CC2D2B: variants seen among roughly 807,000 people sequenced by gnomAD.
CC2D2B encodes the protein protein CC2D2B.
In CC2D2B, 128 loss-of-function variants were observed where a neutral mutation model predicts 161.2. That is an observed-to-expected ratio of 0.79 (90% CI 0.69 to 0.92). The LOEUF is 0.92. Ranked by LOEUF, CC2D2B falls within the 40% of genes least tolerant of loss-of-function variation. The pLI is 0.00. For missense variants in CC2D2B, 1,173 were observed against 1,375.1 expected, an observed-to-expected ratio of 0.85 and a Z score of 2.32; for synonymous variants, 391 against 449.8, an observed-to-expected ratio of 0.87 and a Z score of 1.65.
intron 32 of CC2D2B, chr10:96,020,200 C>T (rs1461217850): frequency 6.1e-6 from 1 of 164,150 alleles, no homozygotes; most frequent in Non-Finnish European, 1.3e-5. Flanking sequence ...TCTGGACTCC[C>T]AACCATGATA....
chr10:96,031,707 A>G, intron 34 of CC2D2B, 113 bp from the exon 35 acceptor site: 1 of 928,856 alleles, frequency 1.1e-6, no homozygotes, highest in Non-Finnish European at 1.7e-6. Flanking sequence ...GACAACTATT[A>G]TAGTATTTTA....
At chr10:96,000,788 T>G (rs1028125789) in intron 24 of CC2D2B, 1 of 152,220 alleles carries the variant, frequency 6.6e-6, no homozygotes, top group African/African-American at 2.4e-5. Flanking sequence ...TGCATTTTGA[T>G]GAAAAGAAGT....
At chr10:95,935,858 T>G (rs1304728021) in intron 6 of CC2D2B, among the ~76,000 whole-genome samples, 1 of 152,234 alleles carries the variant, frequency 6.6e-6, no homozygotes, top group Non-Finnish European at 1.5e-5. Flanking sequence ...CTTACCCTGC[T>G]TTATTTTTCT....
rs887655533 is a variant in CC2D2B at position 96,033,368 on chromosome 10, G to A, written c.*1360G>A. On this transcript the variant is annotated 3_prime_UTR_variant, in exon 35 of 35. Transcript: ENST00000646931. ...GGTGAAGGAATGTTTTTTTCTCCCA[G>A]GTTAAAACCTAACTGTATGTGTCTT... Among the ~76,000 whole-genome samples, 1 of 152,130 alleles carries A rather than the reference G, an allele frequency of 6.6e-6. No individual in the cohort carries two copies. Among genetic ancestry groups the A allele is most frequent in the Non-Finnish European group, 1.5e-5 (1 of 68,022 alleles).
At chr10:95,996,277 A>G in intron 24 of CC2D2B, 25 bp downstream of exon 24, 1 of 1,030,722 alleles carries the variant, frequency 9.7e-7, no homozygotes, top group East Asian at 2.7e-5. Context: ...ATTTTTCCAT[A>G]GCTCCTAAAA....
intron 26 of CC2D2B, among the ~76,000 whole-genome samples, chr10:96,010,788 T>C (rs754360658): frequency 6.6e-6 from 1 of 152,126 alleles, no homozygotes; most frequent in East Asian, 1.9e-4. Flanking sequence ...GCTTGACAAA[T>C]TGGTCAAGCA....
intron 34 of CC2D2B, 61 bp downstream of exon 34, chr10:96,027,450 T>C (rs2079832219): frequency 1.4e-5 from 17 of 1,196,144 alleles, no homozygotes; most frequent in Non-Finnish European, 1.9e-5. Flanking sequence ...AATTGCTAAA[T>C]AATAGCAGTC....
chr10:96,027,555 T>C (rs1034948368), intron 34 of CC2D2B, among the ~76,000 whole-genome samples, 166 bp downstream of exon 34: 1 of 152,192 alleles, frequency 6.6e-6, no homozygotes, highest in African/African-American at 2.4e-5. Flanking sequence ...TGTTAAAATG[T>C]CCATACTACC....
intron 14 of CC2D2B, among the ~76,000 whole-genome samples, chr10:95,966,951 A>T (rs537090580): frequency 1.3e-5 from 2 of 152,188 alleles, no homozygotes; most frequent in South Asian, 4.1e-4. Flanking sequence ...CTTAAAGAGG[A>T]TATGGCAACT....
At chr10:95,968,079 A>G (rs1360309927) in intron 14 of CC2D2B, among the ~76,000 whole-genome samples, 1 of 152,224 alleles carries the variant, frequency 6.6e-6, no homozygotes, top group Non-Finnish European at 1.5e-5. Context: ...CAAGGGATCA[A>G]CTTATGCCTC....
chr10:96,016,062 G>A (rs2079185795), intron 29 of CC2D2B, 139 bp from the exon 30 acceptor site: 1 of 638,490 alleles, frequency 1.6e-6, no homozygotes. Flanking sequence ...CTGCTCTGCT[G>A]TCAACTTAGC....
At chr10:95,943,582 G>A (rs1442379171) in intron 9 of CC2D2B, among the ~76,000 whole-genome samples, 3 of 151,854 alleles carry the variant, frequency 2.0e-5, no homozygotes, top group East Asian at 1.9e-4. Flanking sequence ...GTGTTCATTC[G>A]ACATTTAATT....
rs1564608778 is a variant in CC2D2B, at chr10:95,947,095, A to ATC, written c.802-2800_802-2799insCT. Among the ~76,000 whole-genome samples, 189 of 32,502 alleles carry ATC rather than the reference A, an allele frequency of 5.8e-3. 14 individuals are homozygous for ATC. The highest frequency in any genetic ancestry group is 0.033 in the African/African-American group (173 of 5,202). The allele number at this position is 32,502 out of a possible 152,430, so 21.3% of individuals were successfully genotyped here. On this transcript the variant is annotated intron_variant, in intron 9 of 34. Transcript: ENST00000646931. ...AGTGGACTCAAAAATATATATATAT[A>ATC]TATATATATATATATATATTTTTTT...
chr10:95,983,995 C>T (rs973593694), intron 19 of CC2D2B, among the ~76,000 whole-genome samples, 186 bp downstream of exon 19: 1 of 151,994 alleles, frequency 6.6e-6, no homozygotes, highest in Non-Finnish European at 1.5e-5. Context: ...CTTGACTTTA[C>T]GATTTAGTGT....
At chr10:95,964,471 C>T (rs1021609848) in intron 12 of CC2D2B, among the ~76,000 whole-genome samples, 1 of 152,114 alleles carries the variant, frequency 6.6e-6, no homozygotes, top group Non-Finnish European at 1.5e-5. Context: ...TATTAAAGAA[C>T]AGCAAGTTTA....
At chr10:96,025,172 T>TAAAAA (rs1564683838) in intron 33 of CC2D2B, among the ~76,000 whole-genome samples, 2 of 17,622 alleles carry the variant, frequency 1.1e-4, no homozygotes, top group East Asian at 2.0e-3. Context: ...TATATATATA[T>TAAAAA]ATATATATAT....
intron 24 of CC2D2B, among the ~76,000 whole-genome samples, chr10:96,001,572 A>G (rs76029710): frequency 0.014 from 2,129 of 152,298 alleles, 28 homozygotes; most frequent in Middle Eastern, 0.048. Context: ...TTCACATCCC[A>G]GCCACCCCTT....
At chr10:95,922,689 A>G (rs904409074) in intron 3 of CC2D2B, among the ~76,000 whole-genome samples, 1 of 152,162 alleles carries the variant, frequency 6.6e-6, no homozygotes, top group Non-Finnish European at 1.5e-5. Flanking sequence ...TAGGTCCTCA[A>G]TTTTTTACTG....
chr10:95,932,382 T>G (rs2075638026), intron 6 of CC2D2B, among the ~76,000 whole-genome samples: 1 of 152,212 alleles, frequency 6.6e-6, no homozygotes, highest in African/African-American at 2.4e-5. Context: ...CATTTACATT[T>G]AAGATTAATA....
Sources: allele counts gnomAD v4.1 joint callset (sites outside exome capture counted in the v4.1 genomes callset), GRCh38; gene constraint gnomAD v4.1.1; transcripts MANE v1.5; gene names NCBI Gene and HGNC (gene_info 2026-07-23, HGNC 2026-07-21).